ALK: variants seen among roughly 807,000 people sequenced by gnomAD.
ALK encodes ALK receptor tyrosine kinase.
Under a neutral mutation model 163.1 loss-of-function variants are expected in ALK, and 74 were observed. The ratio of observed to expected loss-of-function variants is 0.45; its 90% CI spans 0.38 to 0.55. ALK has a LOEUF of 0.55. Among genes scored for constraint, ALK ranks in the 20% least tolerant of loss-of-function variants. The pLI is 0.00. For missense variants in ALK, 2,063 were observed against 2,105.3 expected (o/e 0.98, Z 0.39); for synonymous variants, 960 against 843.2 (o/e 1.14, Z -2.40).
At chr2:29,452,585 A>C (rs1670850081) in intron 4 of ALK, among the ~76,000 whole-genome samples, 1 of 152,244 alleles carries the variant, frequency 6.6e-6, no homozygotes, top group African/African-American at 2.4e-5. Flanking sequence ...AATGGAGGAA[A>C]GCATGATGAG....
intron 3 of ALK, among the ~76,000 whole-genome samples, chr2:29,554,413 C>T (rs1224864121): frequency 6.6e-6 from 1 of 152,182 alleles, no homozygotes; most frequent in Non-Finnish European, 1.5e-5. Context: ...TAGAAAAGAG[C>T]TTGCAAATTG....
intron 28 of ALK, among the ~76,000 whole-genome samples, chr2:29,195,971 TTTG>T: frequency 6.6e-6 from 1 of 151,920 alleles, no homozygotes; most frequent in East Asian, 1.9e-4. Flanking sequence ...GGCAGAGAAG[TTTG>T]TATCAGAGAC....
At chr2:29,363,380 T>C (rs1167443936) in intron 5 of ALK, among the ~76,000 whole-genome samples, 2 of 152,364 alleles carry the variant, frequency 1.3e-5, no homozygotes, top group African/African-American at 2.4e-5. Context: ...GCCTTCTCCA[T>C]GGAGTGGCGC....
intron 1 of ALK, among the ~76,000 whole-genome samples, chr2:29,763,986 G>C (rs1289593753): frequency 6.6e-6 from 1 of 152,132 alleles, no homozygotes; most frequent in Non-Finnish European, 1.5e-5. Context: ...CAGCCACCTG[G>C]GGAGGTGGAG....
At chr2:29,754,787 G>C (rs1044299830) in intron 1 of ALK, among the ~76,000 whole-genome samples, 8 of 151,992 alleles carry the variant, frequency 5.3e-5, no homozygotes, top group African/African-American at 1.9e-4. Context: ...CATACATGTT[G>C]GTATTTATAC....
intron 4 of ALK, among the ~76,000 whole-genome samples, chr2:29,511,768 T>C (rs932259625): frequency 5.9e-5 from 9 of 152,250 alleles, no homozygotes; most frequent in Non-Finnish European, 1.2e-4. Flanking sequence ...CAGTAGTATA[T>C]GAAAGTTCTA....
intron 1 of ALK, among the ~76,000 whole-genome samples, chr2:29,745,209 G>A (rs777446814): frequency 2.2e-4 from 34 of 152,226 alleles, no homozygotes; most frequent in Non-Finnish European, 2.8e-4. Context: ...ACATTTTACC[G>A]AAGAAGAAAC....
rs1668905992 is a variant in ALK, at chr2:29,192,880, AGAAGCAGCTAATTCTGACTACATT to A, written c.*320_*343del. The A allele has an allele frequency of 2.4e-6, 1 of 414,066 alleles. No homozygotes were observed. Among genetic ancestry groups the A allele is most frequent in the African/African-American group, 2.0e-5 (1 of 50,644 alleles). 25.6% of individuals were successfully genotyped at this position (414,066 alleles called of 1,614,324 possible). A position where few individuals can be genotyped will look rare whatever the true frequency, so the allele number is the denominator to read the frequency against. ...ATCTATGACCCCAACTATGAAACAT[AGAAGCAGCTAATTCTGACTACATT>A]GAAGCAGAGCACACACAATTTGAAA... On this transcript the variant is annotated 3_prime_UTR_variant, in exon 29 of 29. Transcript: ENST00000389048.
At chr2:29,359,716 C>T (rs543841402) in intron 5 of ALK, among the ~76,000 whole-genome samples, 2 of 152,318 alleles carry the variant, frequency 1.3e-5, no homozygotes, top group East Asian at 3.9e-4. Flanking sequence ...CCACTCATCT[C>T]CCAGAAGGCG....
Position 29,446,369 on chromosome 2 carries a change from C to G in ALK, c.1155-62510G>C, listed in dbSNP as rs530248122. ...GGCAATCCACTTGACCCCTCCGATC[C>G]CCTTGTAGAAAAGTTCTTAACAATC... is the stretch of plus-strand genomic sequence containing the variant. On this transcript the variant is annotated intron_variant, in intron 4 of 28. Transcript: ENST00000389048. 2.6e-5 allele frequency among the ~76,000 whole-genome samples: 4 copies of G among 152,110 alleles called. No homozygotes were observed. The South Asian group carries it at 8.3e-4, about 32-fold the overall frequency.
chr2:29,506,209 A>G (rs1450794069), intron 4 of ALK, among the ~76,000 whole-genome samples: 3 of 152,198 alleles, frequency 2.0e-5, no homozygotes, highest in Non-Finnish European at 4.4e-5. Flanking sequence ...TCAGGGATCA[A>G]ACTTTGGGCA....
chr2:29,837,897 T>G (rs115300878), intron 1 of ALK, among the ~76,000 whole-genome samples: 1 of 152,150 alleles, frequency 6.6e-6, no homozygotes, highest in African/African-American at 2.4e-5. Context: ...TAGAGAAGAA[T>G]TGATTAGCAT....
At chr2:29,829,314 A>AT (rs1665297462) in intron 1 of ALK, among the ~76,000 whole-genome samples, 1 of 143,094 alleles carries the variant, frequency 7.0e-6, no homozygotes, top group African/African-American at 2.8e-5. Context: ...AAGTATAATA[A>AT]AAAAAAAAAA....
chr2:29,525,509 G>A (rs547068740), intron 4 of ALK, among the ~76,000 whole-genome samples: 6 of 152,068 alleles, frequency 3.9e-5, no homozygotes, highest in African/African-American at 1.4e-4. Context: ...GATGAGACTC[G>A]GGCCGGGTGC....
At chr2:29,750,851 C>T (rs1336554576) in intron 1 of ALK, among the ~76,000 whole-genome samples, 1 of 151,952 alleles carries the variant, frequency 6.6e-6, no homozygotes, top group Non-Finnish European at 1.5e-5. Context: ...GTGGGTGGAT[C>T]ATGAGGTCAG....
intron 1 of ALK, among the ~76,000 whole-genome samples, chr2:29,824,091 A>G (rs1350510814): frequency 6.6e-6 from 1 of 152,208 alleles, no homozygotes; most frequent in Admixed American, 6.5e-5. Flanking sequence ...GAGCCAAGGT[A>G]TAGCTTGGGC....
At chr2:29,522,849 T>C (rs1384766721) in intron 4 of ALK, among the ~76,000 whole-genome samples, 9 of 152,082 alleles carry the variant, frequency 5.9e-5, no homozygotes, top group Admixed American at 1.3e-4. Flanking sequence ...AGATTGTCCA[T>C]ATAGGTACTT....
intron 4 of ALK, among the ~76,000 whole-genome samples, chr2:29,508,060 A>G (rs923001873): frequency 5.9e-5 from 9 of 152,054 alleles, no homozygotes; most frequent in Non-Finnish European, 8.8e-5. Context: ...GGCCCCACCA[A>G]ACTGAGGGTC....
chr2:29,511,630 T>C (rs530734376), intron 4 of ALK, among the ~76,000 whole-genome samples: 23 of 152,334 alleles, frequency 1.5e-4, no homozygotes, highest in Admixed American at 7.8e-4. Context: ...GACATACGTT[T>C]TCATCCTCTT....
Sources: allele counts gnomAD v4.1 joint callset (sites outside exome capture counted in the v4.1 genomes callset), GRCh38; gene constraint gnomAD v4.1.1; transcripts MANE v1.5; gene names NCBI Gene and HGNC (gene_info 2026-07-23, HGNC 2026-07-21).